The following UST variants were observed in gnomAD, a reference collection of about 807,000 sequenced individuals.
The protein encoded by UST is chondroitin sulfate 2-O-sulfotransferase.
In UST, 21 loss-of-function variants were observed where a neutral mutation model predicts 45.6. The ratio of observed to expected loss-of-function variants is 0.46; its 90% CI spans 0.33 to 0.66. The LOEUF is 0.66. UST is among the 30% of genes least tolerant of loss of function. The pLI is 0.02. For synonymous variants in UST, 215 were observed against 200.6 expected (o/e 1.07, Z -0.61); for missense variants, 463 against 512.4 (o/e 0.90, Z 0.93).
intron 5 of UST, among the ~76,000 whole-genome samples, chr6:148,973,445 A>G (rs532916325): frequency 3.9e-5 from 6 of 152,360 alleles, no homozygotes; most frequent in African/African-American, 1.4e-4. Flanking sequence ...ATGCAGGCCA[A>G]TTCATACAAA....
chr6:148,896,158 C>CGGAG (rs1779125401), intron 2 of UST, among the ~76,000 whole-genome samples: 1 of 152,202 alleles, frequency 6.6e-6, no homozygotes, highest in South Asian at 2.1e-4. Flanking sequence ...CCCCATTTCC[C>CGGAG]GGAGGGCAGG....
chr6:149,009,789 C>T (rs1475013443), intron 5 of UST, among the ~76,000 whole-genome samples: 1 of 151,170 alleles, frequency 6.6e-6, no homozygotes. Context: ...AGGCATAGAA[C>T]AAGAGACAGT....
intron 7 of UST, among the ~76,000 whole-genome samples, chr6:149,071,253 A>C (rs935423726): frequency 6.6e-6 from 1 of 152,152 alleles, no homozygotes; most frequent in African/African-American, 2.4e-5. Flanking sequence ...CTTCTTTAGA[A>C]TTGCTACTGA....
At chr6:148,889,737 T>C (rs185743010) in intron 2 of UST, among the ~76,000 whole-genome samples, 5 of 152,274 alleles carry the variant, frequency 3.3e-5, no homozygotes, top group Middle Eastern at 3.4e-3. Flanking sequence ...GTCAACACTT[T>C]GGTCTTCCTG....
intron 7 of UST, among the ~76,000 whole-genome samples, chr6:149,052,018 G>A (rs552391387): frequency 6.6e-6 from 1 of 152,240 alleles, no homozygotes; most frequent in Non-Finnish European, 1.5e-5. Context: ...GAAGTGCTTT[G>A]GAATTTTATG....
At chr6:148,960,118 A>G (rs945379157) in intron 4 of UST, among the ~76,000 whole-genome samples, 5 of 152,008 alleles carry the variant, frequency 3.3e-5, no homozygotes, top group African/African-American at 1.2e-4. Flanking sequence ...GCGAAACCCC[A>G]TCTCTACTAA....
At chr6:148,978,866 A>G (rs141351904) in intron 5 of UST, among the ~76,000 whole-genome samples, 4 of 152,142 alleles carry the variant, frequency 2.6e-5, no homozygotes, top group African/African-American at 9.7e-5. Context: ...TTGGTTTCTC[A>G]TAGAAGTCAG....
chr6:148,815,073 A>T (rs566361724), intron 1 of UST, among the ~76,000 whole-genome samples: 3 of 152,262 alleles, frequency 2.0e-5, no homozygotes, highest in Admixed American at 6.5e-5. Flanking sequence ...TATCCACACA[A>T]TGGAATACTA....
At chr6:149,036,141 A>T (rs1224273194) in intron 7 of UST, among the ~76,000 whole-genome samples, 1 of 152,118 alleles carries the variant, frequency 6.6e-6, no homozygotes, top group Non-Finnish European at 1.5e-5. Context: ...CTCTGCCCAA[A>T]CTATCTGGAG....
intron 1 of UST, among the ~76,000 whole-genome samples, chr6:148,821,820 T>C (rs958787972): frequency 6.6e-6 from 1 of 152,246 alleles, no homozygotes; most frequent in Non-Finnish European, 1.5e-5. Flanking sequence ...TTCATTTATC[T>C]TTATCAGTAC....
chr6:148,992,291 T>C (rs1200528268), intron 5 of UST, among the ~76,000 whole-genome samples: 1 of 152,000 alleles, frequency 6.6e-6, no homozygotes, highest in Admixed American at 6.5e-5. Flanking sequence ...GATCACGAGG[T>C]CAGGAGATCG....
At chr6:149,027,956 G>A (rs959391823) in intron 7 of UST, among the ~76,000 whole-genome samples, 1 of 151,090 alleles carries the variant, frequency 6.6e-6, no homozygotes, top group African/African-American at 2.4e-5. Context: ...CCATTCTCCT[G>A]CCTCAGCTTC....
At chr6:148,829,192 T>C (rs1777635634) in intron 1 of UST, among the ~76,000 whole-genome samples, 1 of 145,452 alleles carries the variant, frequency 6.9e-6, no homozygotes, top group South Asian at 2.2e-4. Flanking sequence ...GATGGATGGA[T>C]TTTAGTGACG....
chr6:149,043,013 TTCTTTCTTTTTCTTTC>T (rs1776342841), intron 7 of UST, among the ~76,000 whole-genome samples: 5 of 83,970 alleles, frequency 6.0e-5, no homozygotes, highest in African/African-American at 2.7e-4. Flanking sequence ...CTTTCTTTCT[TTCTTTCTTTTTCTTTC>T]TTTCTTTCTT....
At position 148,761,523 on chromosome 6, in the gene UST, CA is replaced by C. The variant is rs11386317; in HGVS notation, c.247+13859del. 9.9e-3 allele frequency among the ~76,000 whole-genome samples: 1,439 copies of C among 144,844 alleles called. 25 individuals carry two copies. Among genetic ancestry groups the C allele is most frequent in the African/African-American group, 0.031 (1,226 of 39,788 alleles). ...TGTCAGAATTCATCCGACAACGTGC[CA>C]AAAAAAAAAAAAGTGTGTAAAATCA... is the stretch of plus-strand genomic sequence containing the variant. On this transcript the variant is annotated intron_variant, in intron 1 of 7. Coordinates refer to ENST00000367463, the MANE Select transcript of UST (RefSeq NM_005715.3).
intron 7 of UST, among the ~76,000 whole-genome samples, chr6:149,052,324 G>C (rs1776499158): frequency 6.6e-6 from 1 of 152,154 alleles, no homozygotes; most frequent in African/African-American, 2.4e-5. Context: ...AATAGTTGTT[G>C]TTATTATATT....
At chr6:149,024,666 C>T (rs1776024619) in intron 7 of UST, among the ~76,000 whole-genome samples, 1 of 152,198 alleles carries the variant, frequency 6.6e-6, no homozygotes, top group African/African-American at 2.4e-5. Context: ...GAAAGAATAG[C>T]TGCAAGTTTC....
intron 1 of UST, among the ~76,000 whole-genome samples, chr6:148,835,203 C>T (rs973639725): frequency 1.3e-5 from 2 of 152,052 alleles, no homozygotes; most frequent in African/African-American, 4.8e-5. Context: ...ACTATTAATA[C>T]ATAGCATTTA....
intron 5 of UST, among the ~76,000 whole-genome samples, chr6:149,013,526 CA>C (rs71678676): frequency 2.1e-5 from 3 of 145,228 alleles, no homozygotes; most frequent in African/African-American, 2.6e-5. Flanking sequence ...AACTCTGTCT[CA>C]AAAAAAAAAG....
Sources: allele counts gnomAD v4.1 joint callset (sites outside exome capture counted in the v4.1 genomes callset), GRCh38; gene constraint gnomAD v4.1.1; transcripts MANE v1.5; gene names NCBI Gene and HGNC (gene_info 2026-07-23, HGNC 2026-07-21).